KIF5C: variants seen among roughly 807,000 people sequenced by gnomAD.
The protein encoded by KIF5C is kinesin heavy chain isoform 5C.
KIF5C carries 18 observed loss-of-function variants against 125.2 expected under a neutral mutation model. The ratio of observed to expected loss-of-function variants is 0.14; its 90% CI spans 0.10 to 0.21. The LOEUF is 0.21. KIF5C is among the 10% of genes least tolerant of loss of function. KIF5C has a pLI of 1.00. For synonymous variants in KIF5C, 405 were observed against 434.0 expected (o/e 0.93, Z 0.83); for missense variants, 780 against 1,183.8 (o/e 0.66, Z 5.01).
chr2:149,017,551 C>T (rs542336722), intron 25 of KIF5C, among the ~76,000 whole-genome samples: 17 of 152,286 alleles, frequency 1.1e-4, no homozygotes, highest in Admixed American at 8.5e-4. Flanking sequence ...TTTGGCAAGC[C>T]AGGGGACTTG....
intron 13 of KIF5C, among the ~76,000 whole-genome samples, chr2:148,981,039 A>G (rs949830018): frequency 2.0e-5 from 3 of 152,200 alleles, no homozygotes; most frequent in African/African-American, 7.2e-5. Context: ...TGGAATAGCT[A>G]TAAAATGCAG....
At chr2:149,009,583 C>G (rs1401053634) in intron 23 of KIF5C, among the ~76,000 whole-genome samples, 1 of 152,134 alleles carries the variant, frequency 6.6e-6, no homozygotes, top group Non-Finnish European at 1.5e-5. Flanking sequence ...TAGGGCTGGG[C>G]TGTTGCTTCT....
chr2:148,978,346 T>TC, intron 12 of KIF5C, among the ~76,000 whole-genome samples: 1 of 147,876 alleles, frequency 6.8e-6, no homozygotes, highest in African/African-American at 2.5e-5. Context: ...TTTTTTTTTT[T>TC]TTTTTTTTTT....
At chr2:148,893,692 A>G (rs74824231) in intron 1 of KIF5C, among the ~76,000 whole-genome samples, 2,341 of 152,300 alleles carry the variant, frequency 0.015, 32 homozygotes, top group Non-Finnish European at 0.024. Context: ...ATTTATTTTC[A>G]TATTCTCAAC....
At chr2:148,963,158 CT>C (rs149454475) in intron 11 of KIF5C, among the ~76,000 whole-genome samples, 15,515 of 142,908 alleles carry the variant, frequency 0.11, 1,297 homozygotes, top group African/African-American at 0.24. Context: ...AGGTAGAAGG[CT>C]TTTTTTTTTT....
At chr2:148,908,881 A>G (rs1681220602) in intron 1 of KIF5C, among the ~76,000 whole-genome samples, 1 of 152,246 alleles carries the variant, frequency 6.6e-6, no homozygotes, top group African/African-American at 2.4e-5. Context: ...CTCTTACAGA[A>G]TAATAAGATG....
intron 7 of KIF5C, among the ~76,000 whole-genome samples, chr2:148,946,364 A>G (rs1682520127): frequency 6.6e-6 from 1 of 152,188 alleles, no homozygotes; most frequent in Non-Finnish European, 1.5e-5. Flanking sequence ...TTAATGAAGC[A>G]TATTTAATTT....
intron 1 of KIF5C, among the ~76,000 whole-genome samples, chr2:148,913,292 C>T (rs1055963432): frequency 6.6e-6 from 1 of 152,124 alleles, no homozygotes; most frequent in African/African-American, 2.4e-5. Flanking sequence ...AGTCTCAGCT[C>T]AAAGTTTTGC....
At position 148,930,385 on chromosome 2, in the gene KIF5C, C is replaced by T. The variant is rs370835632; in HGVS notation, c.291+1031C>T. Among the ~76,000 whole-genome samples, 4 of 150,156 alleles carry T rather than the reference C, an allele frequency of 2.7e-5. No individual in the cohort carries two copies. In the South Asian group the frequency reaches 6.3e-4, roughly 24 times the overall value. On this transcript the variant is annotated intron_variant, in intron 3 of 25. Coordinates refer to ENST00000435030, the MANE Select transcript of KIF5C (RefSeq NM_004522.3). ...ATAGGGCCTTCAGAGCCTGATAATT[C>T]TTCTAAAGGTGAGGCCCACTTGATA...
At chr2:148,992,431 A>G (rs892086722) in intron 16 of KIF5C, among the ~76,000 whole-genome samples, 10 of 152,240 alleles carry the variant, frequency 6.6e-5, no homozygotes, top group African/African-American at 2.4e-4. Flanking sequence ...TTTATTTCAT[A>G]TGGTATTCTC....
chr2:148,880,410 C>T (rs1681312795), intron 1 of KIF5C, among the ~76,000 whole-genome samples: 2 of 152,244 alleles, frequency 1.3e-5, no homozygotes, highest in Non-Finnish European at 2.9e-5. Flanking sequence ...CATGAGCCAC[C>T]ATGCTCGGCT....
intron 10 of KIF5C, among the ~76,000 whole-genome samples, chr2:148,959,991 G>A (rs1262055480): frequency 6.6e-6 from 1 of 152,062 alleles, no homozygotes; most frequent in African/African-American, 2.4e-5. Context: ...CCCTAATGTG[G>A]GTACCACATT....
At chr2:148,976,444 A>C (rs1023731945) in intron 12 of KIF5C, among the ~76,000 whole-genome samples, 1 of 143,684 alleles carries the variant, frequency 7.0e-6, no homozygotes, top group Non-Finnish European at 1.5e-5. Flanking sequence ...TAATTTTTGT[A>C]TTTTTAGTAG....
In KIF5C at chr2:148,933,027, C is replaced by T. The variant is rs951654125; in HGVS notation, c.291+3673C>T. Among the ~76,000 whole-genome samples, 1,405 of 152,242 alleles carry T rather than the reference C, an allele frequency of 9.2e-3. 14 individuals carry two copies. The highest frequency in any genetic ancestry group is 0.014 in the Non-Finnish European group (920 of 68,004). On this transcript the variant is annotated intron_variant, in intron 3 of 25. Coordinates refer to ENST00000435030, the MANE Select transcript of KIF5C (RefSeq NM_004522.3). Reference sequence around the variant, plus strand: ...GTTATAAAGATCTTTCTCCTATTTGCTTTCCGGGAGAAACAAGGTGATGAG... The same window carrying T: ...GTTATAAAGATCTTTCTCCTATTTGTTTTCCGGGAGAAACAAGGTGATGAG...
At chr2:148,922,618 T>G (rs1444081505) in intron 2 of KIF5C, among the ~76,000 whole-genome samples, 1 of 152,200 alleles carries the variant, frequency 6.6e-6, no homozygotes, top group Non-Finnish European at 1.5e-5. Context: ...TTTGGTTGAT[T>G]TATTCTGTGT....
At chr2:148,920,982 C>A (rs552702296) in intron 1 of KIF5C, among the ~76,000 whole-genome samples, 1 of 152,244 alleles carries the variant, frequency 6.6e-6, no homozygotes, top group East Asian at 1.9e-4. Flanking sequence ...CTGAGTGAGT[C>A]CGGCTGTGGA....
At chr2:148,897,674 T>C (rs968762614) in intron 1 of KIF5C, among the ~76,000 whole-genome samples, 2 of 151,864 alleles carry the variant, frequency 1.3e-5, no homozygotes, top group African/African-American at 4.8e-5. Flanking sequence ...ACTCCAGTAC[T>C]TTGGGAGGCC....
chr2:148,885,112 A>G (rs774561914), intron 1 of KIF5C, among the ~76,000 whole-genome samples: 4 of 151,752 alleles, frequency 2.6e-5, no homozygotes, highest in African/African-American at 4.8e-5. Context: ...CAGCCTCCCT[A>G]GTAGCTGGGA....
At chr2:148,992,847 TC>T (rs2105175046) in intron 16 of KIF5C, among the ~76,000 whole-genome samples, 1 of 152,364 alleles carries the variant, frequency 6.6e-6, no homozygotes, top group East Asian at 1.9e-4. Context: ...ACAGTGTACC[TC>T]ATCTGTGATT....
Sources: gnomAD v4.1 joint callset for allele counts (sites outside exome capture counted in the v4.1 genomes callset) on GRCh38, gnomAD v4.1.1 for gene constraint, MANE v1.5 for transcripts, NCBI Gene and HGNC (gene_info 2026-07-23, HGNC 2026-07-21) for gene names.